Variants in GARNL3 observed in about 807,000 individuals in gnomAD.
The protein encoded by GARNL3 is GTPase activating Rap/RanGAP domain like 3.
A neutral mutation model predicts 125.0 loss-of-function variants in GARNL3; 63 were observed. The observed-to-expected ratio is 0.50, with a 90% CI of 0.41 to 0.62. The LOEUF (loss-of-function observed/expected upper bound fraction) is 0.62. GARNL3 is among the 20% of genes least tolerant of loss of function. The pLI, the probability that GARNL3 is intolerant of heterozygous loss-of-function variation, is 0.00. For missense variants in GARNL3, 994 were observed against 1,244.0 expected, an observed-to-expected ratio of 0.80 and a Z score of 3.02; for synonymous variants, 439 against 457.5, an observed-to-expected ratio of 0.96 and a Z score of 0.52.
intron 26 of GARNL3, 122 bp from the exon 27 acceptor site, chr9:127,390,519 A>G: frequency 1.2e-6 from 1 of 849,382 alleles, no homozygotes; most frequent in Non-Finnish European, 1.9e-6. Flanking sequence ...ATATTCTATC[A>G]TCTTTCTTCC....
At chr9:127,391,718 A>AG (rs1044940633) in intron 27 of GARNL3, among the ~76,000 whole-genome samples, 4 of 147,486 alleles carry the variant, frequency 2.7e-5, no homozygotes, top group African/African-American at 9.9e-5. Flanking sequence ...AAAAAAAAAA[A>AG]CACTTAGTAA....
chr9:127,380,969 C>G (rs997256941), intron 22 of GARNL3, among the ~76,000 whole-genome samples: 7 of 152,198 alleles, frequency 4.6e-5, no homozygotes, highest in South Asian at 2.1e-4. Context: ...ACCTCTACCC[C>G]CCGGGTTCAA....
In GARNL3 at chr9:127,355,400, A is replaced by G. The variant is rs1830635431; in HGVS notation, c.1863A>G (p.Pro621=). Residue 621 remains proline, a synonymous_variant, in exon 20 of 28, where the codon CCA becomes CCG. Coordinates refer to ENST00000373387, the MANE Select transcript of GARNL3 (RefSeq NM_032293.5). ...LLLITRKHNK[P]SGVTSTSLLS... is the part of the protein sequence containing the mutation. ...TGATCACAAGAAAACACAACAAGCC[A>G]AGCGGGGTCACCAGCACCTCATTGT... is the stretch of plus-strand genomic sequence containing the variant. 6.2e-7 allele frequency: 1 copy of G among 1,614,124 alleles called. No homozygotes were observed. Among genetic ancestry groups the G allele is most frequent in the African/African-American group, 1.3e-5 (1 of 74,942 alleles).
chr9:127,332,211 T>C, intron 7 of GARNL3, 63 bp from the exon 8 acceptor site: 1 of 1,246,102 alleles, frequency 8.0e-7, no homozygotes. Flanking sequence ...GAACAGCCCA[T>C]CTCAAAACTA....
At chr9:127,284,396 G>A (rs2064186872) in intron 1 of GARNL3, among the ~76,000 whole-genome samples, 1 of 151,986 alleles carries the variant, frequency 6.6e-6, no homozygotes, top group African/African-American at 2.4e-5. Context: ...ATCACTATAT[G>A]TATTTGTCTT....
At chr9:127,337,350 C>T (rs1042670600) in intron 11 of GARNL3, among the ~76,000 whole-genome samples, 1 of 151,984 alleles carries the variant, frequency 6.6e-6, no homozygotes, top group Admixed American at 6.6e-5. Context: ...TTAGAATTTC[C>T]CTGAGTTATA....
upstream of GARNL3, among the ~76,000 whole-genome samples, chr9:127,260,964 C>A (rs1297822730): frequency 6.6e-6 from 1 of 152,192 alleles, no homozygotes; most frequent in African/African-American, 2.4e-5. Context: ...TGGTTAGAAT[C>A]TTCTATGTGG....
chr9:127,313,707 C>G (rs2065156965), intron 4 of GARNL3, 148 bp downstream of exon 4: 5 of 664,106 alleles, frequency 7.5e-6, no homozygotes, highest in Non-Finnish European at 1.1e-5. Flanking sequence ...AGTGCCTTTG[C>G]CCAAAGCACC....
At chr9:127,369,675 A>G (rs1831499283) in intron 22 of GARNL3, among the ~76,000 whole-genome samples, 1 of 152,244 alleles carries the variant, frequency 6.6e-6, no homozygotes, top group African/African-American at 2.4e-5. Context: ...GCACTTTTTC[A>G]CAGGGGTTGT....
intron 2 of GARNL3, among the ~76,000 whole-genome samples, chr9:127,250,402 G>A (rs1272638370): frequency 6.6e-6 from 1 of 152,238 alleles, no homozygotes; most frequent in East Asian, 1.9e-4. Context: ...TGGTGACTGA[G>A]TAGATGTGGG....
At chr9:127,326,003 C>T (rs2065559511) in intron 7 of GARNL3, among the ~76,000 whole-genome samples, 1 of 152,192 alleles carries the variant, frequency 6.6e-6, no homozygotes, top group African/African-American at 2.4e-5. Flanking sequence ...GGCCCCTCTA[C>T]CTCTCCAATC....
chr9:127,349,066 T>C (rs1393041144), intron 17 of GARNL3, 31 bp downstream of exon 17: 2 of 1,464,084 alleles, frequency 1.4e-6, no homozygotes, highest in East Asian at 2.3e-5. Context: ...ACAAATGTCT[T>C]TTTCATGTAA....
intron 2 of GARNL3, among the ~76,000 whole-genome samples, chr9:127,294,021 G>A (rs943787546): frequency 1.3e-5 from 2 of 152,094 alleles, no homozygotes; most frequent in Non-Finnish European, 2.9e-5. Flanking sequence ...GGTGGTGGAG[G>A]TGGTTTCTTC....
chr9:127,368,692 T>A (rs567282736), intron 22 of GARNL3, among the ~76,000 whole-genome samples: 1 of 150,280 alleles, frequency 6.7e-6, no homozygotes, highest in Non-Finnish European at 1.5e-5. Flanking sequence ...CCCAGCACTT[T>A]GAGAGGCTGA....
chr9:127,285,206 C>T (rs975077612), intron 1 of GARNL3, among the ~76,000 whole-genome samples: 3 of 152,208 alleles, frequency 2.0e-5, no homozygotes, highest in East Asian at 1.9e-4. Context: ...CCGAGGTGGG[C>T]GGATCACCTG....
intron 2 of GARNL3, chr9:127,245,376 G>A (rs116654457): frequency 0.017 from 2,579 of 152,620 alleles, 71 homozygotes; most frequent in African/African-American, 0.057. Flanking sequence ...CCACGCGCAC[G>A]GGGGTGCAGG....
intron 2 of GARNL3, among the ~76,000 whole-genome samples, chr9:127,292,316 C>G (rs1252503228): frequency 1.3e-5 from 2 of 152,192 alleles, no homozygotes; most frequent in African/African-American, 4.8e-5. Flanking sequence ...GAAGAAGGAA[C>G]TCATGGAGAA....
At chr9:127,243,284 G>A (rs758154013) in intron 2 of GARNL3, 5 of 1,358,834 alleles carry the variant, frequency 3.7e-6, no homozygotes, top group Admixed American at 1.9e-5. Context: ...CTCAGTTTGG[G>A]TTTATGTTCA....
intron 1 of GARNL3, among the ~76,000 whole-genome samples, chr9:127,231,018 ACATATATG>A (rs1434908582): frequency 3.6e-5 from 4 of 110,186 alleles, no homozygotes; most frequent in South Asian, 3.0e-4. Context: ...GTGTATATAT[ACATATATG>A]TATATATACA....
Sources: gnomAD v4.1 joint callset for allele counts (sites outside exome capture counted in the v4.1 genomes callset) on GRCh38, gnomAD v4.1.1 for gene constraint, MANE v1.5 for transcripts, NCBI Gene and HGNC (gene_info 2026-07-23, HGNC 2026-07-21) for gene names.